AFF2: variants seen among roughly 807,000 people sequenced by gnomAD.
AFF2 encodes the protein AF4/FMR2 family member 2.
Under a neutral mutation model 76.9 loss-of-function variants are expected in AFF2, and 14 were observed. The observed-to-expected ratio is 0.18, with a 90% CI of 0.12 to 0.28. The LOEUF is 0.28. Ranked by LOEUF, AFF2 falls within the 10% of genes least tolerant of loss-of-function variation. The pLI, the probability that AFF2 is intolerant of heterozygous loss-of-function variation, is 1.00. For missense variants in AFF2, 868 were observed against 1,001.1 expected, an observed-to-expected ratio of 0.87 and a Z score of 1.79; for synonymous variants, 398 against 366.7, an observed-to-expected ratio of 1.09 and a Z score of -0.98.
rs887030530 is a variant in AFF2, at chrX:149,000,463, G to A, written c.*9131G>A. The A allele has an allele frequency of 5.3e-5, 6 of 112,853 alleles. No homozygotes were observed. Among genetic ancestry groups the A allele is most frequent in the South Asian group, 3.7e-4 (1 of 2,735 alleles). 9.3% of individuals were successfully genotyped at this position (112,853 alleles called of 1,213,427 possible). A position where few individuals can be genotyped will look rare whatever the true frequency, so the allele number is the denominator to read the frequency against. On this transcript the variant is annotated 3_prime_UTR_variant, in exon 21 of 21. Transcript: ENST00000370460. ...CATTTCAAATGTGTGGCGCACAAGC[G>A]TTTTGTTGGTGCTTTGTTCTCAGTA...
At chrX:148,924,545 A>G (rs782069642) in intron 9 of AFF2, among the ~76,000 whole-genome samples, 2 of 112,062 alleles carry the variant, frequency 1.8e-5, no homozygotes, top group Non-Finnish European at 3.8e-5. Context: ...ATTCTCCTTA[A>G]TTTGATGCAT....
chrX:148,659,101 T>G (rs1271671720), intron 2 of AFF2, among the ~76,000 whole-genome samples: 2 of 112,163 alleles, frequency 1.8e-5, no homozygotes, highest in African/African-American at 6.5e-5. Flanking sequence ...GAAATTTCAA[T>G]TTTCCTCTAA....
intron 6 of AFF2, 119 bp from the exon 7 acceptor site, chrX:148,843,259 TAATC>T: frequency 1.8e-6 from 1 of 567,715 alleles, no homozygotes; most frequent in Admixed American, 3.8e-5. Flanking sequence ...TTTTTTTTTT[TAATC>T]TGTTACTTAT....
intron 7 of AFF2, among the ~76,000 whole-genome samples, chrX:148,867,238 A>G (rs190714529): frequency 1.8e-5 from 2 of 112,384 alleles, no homozygotes; most frequent in Non-Finnish European, 3.8e-5. Context: ...GGCTGAACGC[A>G]TTCCCGTCAT....
chrX:148,932,625 T>C (rs2071726846), intron 9 of AFF2, among the ~76,000 whole-genome samples: 1 of 111,904 alleles, frequency 8.9e-6, no homozygotes, highest in Admixed American at 9.4e-5. Context: ...ATTATTCCTA[T>C]CTCTTCAAAG....
Position 148,931,369 on chromosome X carries a change from A to C in AFF2, c.1398-22211A>C, listed in dbSNP as rs2266819. Among the ~76,000 whole-genome samples the C allele has an allele frequency of 1.3e-4, 15 of 111,243 alleles. No homozygotes were observed. In the East Asian group the frequency reaches 4.2e-3, roughly 31 times the overall value. ...ATTGCAGTGCACTGATATTTTAAGT[A>C]ATATCTCTGCTTCTTAGAGTAAAAA... On this transcript the variant is annotated intron_variant, in intron 9 of 20. Transcript: ENST00000370460.
At chrX:148,701,012 A>AGAGAGAGAATG (rs782232655) in intron 3 of AFF2, among the ~76,000 whole-genome samples, 3 of 73,743 alleles carry the variant, frequency 4.1e-5, no homozygotes, top group Admixed American at 1.6e-4. Flanking sequence ...GAGAGAGAGA[A>AGAGAGAGAATG]TGTGTGTGTG....
In AFF2 at chrX:148,662,085, A is replaced by T. The variant is rs1557257821; in HGVS notation, c.358A>T (p.Asn120Tyr). 1 of 1,210,030 alleles carries T rather than the reference A, an allele frequency of 8.3e-7. No homozygotes were observed. Among genetic ancestry groups the T allele is most frequent in the Non-Finnish European group, 1.1e-6 (1 of 893,783 alleles). The change falls in exon 3 of 21, where the codon AAC becomes TAC. Residue 120 changes from asparagine (N) to tyrosine (Y), a missense_variant. This residue lies in a region of AFF2 where 196 missense variants were observed against 194.8 expected (regional missense o/e 1.01). Transcript: ENST00000370460. Reference protein sequence around the residue: ...NEPSFFPEQKNRIIPPHQDNT... With the variant: ...NEPSFFPEQKYRIIPPHQDNT... The stretch of plus-strand genomic sequence containing the variant: ...ACCAAGCTTTTTTCCAGAACAAAAG[A>T]ACAGAATAATTCCACCTCACCAGGA...
chrX:148,832,588 T>G (rs1253269945), intron 4 of AFF2, among the ~76,000 whole-genome samples: 4 of 112,104 alleles, frequency 3.6e-5, no homozygotes, highest in African/African-American at 1.3e-4. Flanking sequence ...GTGGGGCTGG[T>G]AGCAATGAGC....
At chrX:148,580,442 G>A (rs1055004031) in intron 1 of AFF2, among the ~76,000 whole-genome samples, 1 of 111,404 alleles carries the variant, frequency 9.0e-6, no homozygotes, top group African/African-American at 3.3e-5. Flanking sequence ...TTTTAGCCAA[G>A]TCTCTTAGCA....
In AFF2 at chrX:148,638,972, G is replaced by A. The variant is rs189906746; in HGVS notation, c.48-13027G>A. 3.0e-3 allele frequency among the ~76,000 whole-genome samples: 333 copies of A among 112,007 alleles called. 2 individuals carry two copies. Among genetic ancestry groups the A allele is most frequent in the African/African-American group, 0.01 (316 of 30,828 alleles). ...AGAATTTGAAAGCATTTTACAATGA[G>A]AGCAGGGGGTGGTATAGAAGAAAAA... On this transcript the variant is annotated intron_variant, in intron 1 of 20. Coordinates refer to ENST00000370460, the MANE Select transcript of AFF2 (RefSeq NM_002025.4).
intron 9 of AFF2, among the ~76,000 whole-genome samples, chrX:148,934,579 C>T (rs1271888673): frequency 6.2e-5 from 7 of 112,091 alleles, no homozygotes; most frequent in Non-Finnish European, 1.1e-4. Context: ...GTCAATTCAA[C>T]GTAGCATAGT....
At chrX:148,606,500 A>G (rs897844166) in intron 1 of AFF2, among the ~76,000 whole-genome samples, 1 of 8,493 alleles carries the variant, frequency 1.2e-4, no homozygotes, top group Non-Finnish European at 2.5e-4. Context: ...CAAAATAATT[A>G]AAAAAAAAAA....
intron 19 of AFF2, among the ~76,000 whole-genome samples, chrX:148,981,308 G>A (rs1164030574): frequency 9.0e-6 from 1 of 111,054 alleles, no homozygotes; most frequent in Non-Finnish European, 1.9e-5. Context: ...GAGGCTCAGG[G>A]AACTCACCTG....
chrX:148,928,386 G>C (rs1335500926), intron 9 of AFF2, among the ~76,000 whole-genome samples: 1 of 112,570 alleles, frequency 8.9e-6, no homozygotes, highest in Non-Finnish European at 1.9e-5. Flanking sequence ...TAGAGAGACT[G>C]TGATAACCAT....
At chrX:148,553,124 C>T (rs893179353) in intron 1 of AFF2, among the ~76,000 whole-genome samples, 2 of 111,858 alleles carry the variant, frequency 1.8e-5, no homozygotes, top group African/African-American at 6.5e-5. Flanking sequence ...TCTTTATGTA[C>T]TTTTTAAATT....
intron 1 of AFF2, among the ~76,000 whole-genome samples, chrX:148,534,933 T>A (rs2052767757): frequency 8.9e-6 from 1 of 111,778 alleles, no homozygotes; most frequent in African/African-American, 3.3e-5. Context: ...GCTCCTCAAA[T>A]GACACCCTGA....
chrX:148,931,401 A>AATGTG lies in AFF2; in HGVS notation c.1398-22175_1398-22171dup, dbSNP rs1311050234. The stretch of plus-strand genomic sequence containing the variant: ...CTGCTTCTTAGAGTAAAAATTTTAA[A>AATGTG]ATGTGATGGTTATTATAGTCACTAT... On this transcript the variant is annotated intron_variant, in intron 9 of 20. Coordinates refer to ENST00000370460, the MANE Select transcript of AFF2 (RefSeq NM_002025.4). Among the ~76,000 whole-genome samples the AATGTG allele has an allele frequency of 2.7e-5, 3 of 111,901 alleles. No homozygotes were observed. In the East Asian group the frequency reaches 8.4e-4, roughly 31 times the overall value.
chrX:148,789,451 A>G (rs1255880340), intron 3 of AFF2, among the ~76,000 whole-genome samples: 2 of 111,902 alleles, frequency 1.8e-5, no homozygotes, highest in African/African-American at 3.2e-5. Flanking sequence ...CTCATATAAC[A>G]TAGAAGCCAG....
Sources: allele counts gnomAD v4.1 joint callset (sites outside exome capture counted in the v4.1 genomes callset), GRCh38; gene constraint gnomAD v4.1.1; regional missense constraint gnomAD v4.1.1; transcripts MANE v1.5; gene names NCBI Gene and HGNC (gene_info 2026-07-23, HGNC 2026-07-21).